The following NRG1 variants were observed in gnomAD, a reference collection of about 807,000 sequenced individuals.
NRG1 encodes pro-neuregulin-1, membrane-bound isoform.
NRG1 carries 18 observed loss-of-function variants against 63.8 expected under a neutral mutation model. That is an observed-to-expected ratio of 0.28 (90% CI 0.19 to 0.42). NRG1 has a LOEUF of 0.42. Among genes scored for constraint, NRG1 ranks in the 10% least tolerant of loss-of-function variants. The pLI is 1.00. For missense variants in NRG1, 762 were observed against 814.7 expected (o/e 0.94, Z 0.79); for synonymous variants, 302 against 301.3 (o/e 1.00, Z -0.02).
At chr8:32,703,587 C>A (rs1815552395) in intron 5 of NRG1, among the ~76,000 whole-genome samples, 1 of 152,028 alleles carries the variant, frequency 6.6e-6, no homozygotes, top group Admixed American at 6.6e-5. Context: ...TCACTTTCTT[C>A]TGGTCAGCAG....
intron 1 of NRG1, among the ~76,000 whole-genome samples, chr8:32,433,373 A>C (rs2129486903): frequency 6.6e-6 from 1 of 152,238 alleles, no homozygotes; most frequent in East Asian, 1.9e-4. Context: ...TGGAGGAAAA[A>C]CTAGGTATGT....
intron 1 of NRG1, among the ~76,000 whole-genome samples, chr8:32,105,968 T>C (rs975363635): frequency 6.6e-6 from 1 of 152,180 alleles, no homozygotes; most frequent in African/African-American, 2.4e-5. Flanking sequence ...CTTAATGTTA[T>C]CCCACTATAG....
intron 1 of NRG1, among the ~76,000 whole-genome samples, chr8:32,132,109 C>G (rs990592129): frequency 3.9e-5 from 6 of 151,944 alleles, no homozygotes; most frequent in African/African-American, 1.4e-4. Flanking sequence ...ATTGCTTACT[C>G]ATGTTTGAGA....
At chr8:32,330,652 G>GT (rs1802535269) in intron 1 of NRG1, among the ~76,000 whole-genome samples, 1 of 152,204 alleles carries the variant, frequency 6.6e-6, no homozygotes, top group Non-Finnish European at 1.5e-5. Flanking sequence ...AAAAGGTATG[G>GT]TTTGGGGTAA....
intron 1 of NRG1, among the ~76,000 whole-genome samples, chr8:31,921,749 A>T (rs1481628): frequency 6.6e-6 from 1 of 151,918 alleles, no homozygotes; most frequent in Admixed American, 6.6e-5. Context: ...TGAGATGTTG[A>T]GCACTAAAAT....
chr8:32,327,297 G>A (rs1009399492), intron 1 of NRG1, among the ~76,000 whole-genome samples: 1 of 152,206 alleles, frequency 6.6e-6, no homozygotes, highest in Non-Finnish European at 1.5e-5. Flanking sequence ...AGATGCTGTC[G>A]TGACAGGGTG....
chr8:32,754,725 G>C (rs1192727250), intron 8 of NRG1, among the ~76,000 whole-genome samples: 1 of 152,182 alleles, frequency 6.6e-6, no homozygotes, highest in Non-Finnish European at 1.5e-5. Context: ...TAAAGGCCTG[G>C]AGGGACAGGC....
At chr8:32,486,190 C>T (rs1025639395) in intron 1 of NRG1, among the ~76,000 whole-genome samples, 22 of 152,126 alleles carry the variant, frequency 1.4e-4, no homozygotes, top group Admixed American at 1.1e-3. Context: ...CTTCGGCCTC[C>T]CAAAGTGCTG....
At chr8:31,997,028 G>A (rs1444726868) in intron 1 of NRG1, among the ~76,000 whole-genome samples, 1 of 151,934 alleles carries the variant, frequency 6.6e-6, no homozygotes, top group Non-Finnish European at 1.5e-5. Context: ...TAAGGCAAAC[G>A]TTTCTAGACT....
At chr8:32,372,709 C>T (rs1465468096) in intron 1 of NRG1, among the ~76,000 whole-genome samples, 1 of 152,114 alleles carries the variant, frequency 6.6e-6, no homozygotes, top group Non-Finnish European at 1.5e-5. Context: ...AGAAGTCAGC[C>T]CTCCCAACTT....
Position 32,332,718 on chromosome 8 carries a change from G to A in NRG1, c.38-263110G>A, listed in dbSNP as rs533056582. Among the ~76,000 whole-genome samples the A allele has an allele frequency of 2.6e-5, 4 of 152,206 alleles. No homozygotes were observed. The South Asian group carries it at 8.3e-4, about 32-fold the overall frequency. ...TGATGTCATAGCAAGTAAGAAAAAAGGCTAGGATTCTAATCCAGGGAGTCT... is the reference window on the plus strand; with the variant it reads ...TGATGTCATAGCAAGTAAGAAAAAAAGCTAGGATTCTAATCCAGGGAGTCT... On this transcript the variant is annotated intron_variant, in intron 1 of 10. Transcript: ENST00000519301.
intron 1 of NRG1, among the ~76,000 whole-genome samples, chr8:32,580,036 C>A (rs1310214572): frequency 6.6e-6 from 1 of 152,100 alleles, no homozygotes; most frequent in Non-Finnish European, 1.5e-5. Context: ...ATTGGGTGAA[C>A]CTGGATAATA....
At chr8:32,634,384 A>G (rs1850929133) in intron 5 of NRG1, among the ~76,000 whole-genome samples, 1 of 152,192 alleles carries the variant, frequency 6.6e-6, no homozygotes, top group Admixed American at 6.5e-5. Flanking sequence ...TTCTTCCTTC[A>G]TCTTGTTGAT....
chr8:32,354,712 GTAAATAAATAAATAAATAAA>G (rs10569340), intron 1 of NRG1, among the ~76,000 whole-genome samples: 4 of 142,502 alleles, frequency 2.8e-5, no homozygotes, highest in South Asian at 2.3e-4. Context: ...CTTGTCTCTA[GTAAATAAATAAATAAATAAA>G]TAAATAAATA....
chr8:32,606,720 TTA>T (rs1463005357), intron 3 of NRG1, among the ~76,000 whole-genome samples: 6 of 152,170 alleles, frequency 3.9e-5, no homozygotes, highest in Admixed American at 3.3e-4. Context: ...TTGTCATCTG[TTA>T]TATAACCAAG....
At chr8:31,656,581 A>G (rs1805454689) in intron 1 of NRG1, among the ~76,000 whole-genome samples, 1 of 152,200 alleles carries the variant, frequency 6.6e-6, no homozygotes, top group African/African-American at 2.4e-5. Context: ...GTGGGGGATA[A>G]GACTGGGAAG....
At chr8:31,804,985 G>C (rs140805851) in intron 1 of NRG1, among the ~76,000 whole-genome samples, 1 of 152,278 alleles carries the variant, frequency 6.6e-6, no homozygotes, top group East Asian at 1.9e-4. Context: ...ACACCGAAGA[G>C]GAGAATTTTT....
intron 1 of NRG1, among the ~76,000 whole-genome samples, chr8:32,149,705 C>T (rs1837290681): frequency 6.6e-6 from 1 of 152,170 alleles, no homozygotes; most frequent in Non-Finnish European, 1.5e-5. Context: ...AAAATGGCCA[C>T]TATCTGTCAG....
chr8:32,550,210 A>G (rs1833860223), intron 1 of NRG1, among the ~76,000 whole-genome samples: 1 of 152,018 alleles, frequency 6.6e-6, no homozygotes, highest in South Asian at 2.1e-4. Flanking sequence ...TATTCACTTC[A>G]ATTACTGATC....
Sources: allele counts gnomAD v4.1 joint callset (sites outside exome capture counted in the v4.1 genomes callset), GRCh38; gene constraint gnomAD v4.1.1; transcripts MANE v1.5; gene names NCBI Gene and HGNC (gene_info 2026-07-23, HGNC 2026-07-21).